Variants in OR51B5 observed in about 807,000 individuals in gnomAD.
The protein encoded by OR51B5 is olfactory receptor family 51 subfamily B member 5.
For synonymous variants in OR51B5, 186 were observed against 144.8 expected, an observed-to-expected ratio of 1.28 and a Z score of -2.04; for missense variants, 456 against 374.6, an observed-to-expected ratio of 1.22 and a Z score of -1.79.
intron 1 of OR51B5, chr11:5,351,673 C>T: frequency 6.2e-7 from 1 of 1,614,124 alleles, no homozygotes; most frequent in Admixed American, 1.7e-5. Context: ...CCTCCATGAG[C>T]CCATGTACTA....
At chr11:5,377,546 G>T (rs1347759386) in intron 1 of OR51B5, among the ~76,000 whole-genome samples, 1 of 152,040 alleles carries the variant, frequency 6.6e-6, no homozygotes, top group East Asian at 1.9e-4. Flanking sequence ...CGACATGATT[G>T]TATATCTAGA....
At chr11:5,410,598 T>C (rs541915014) in intron 1 of OR51B5, among the ~76,000 whole-genome samples, 53 of 152,278 alleles carry the variant, frequency 3.5e-4, no homozygotes, top group African/African-American at 1.2e-3. Context: ...TGAGAGAGTA[T>C]TTCTTCTACT....
intron 1 of OR51B5, chr11:5,389,455 G>A: frequency 6.2e-7 from 1 of 1,613,906 alleles, no homozygotes; most frequent in Non-Finnish European, 8.5e-7. Flanking sequence ...ACATTACTCA[G>A]TTTAGCCCCA....
chr11:5,449,151 C>A (rs1564816826), intron 1 of OR51B5, among the ~76,000 whole-genome samples: 1 of 152,178 alleles, frequency 6.6e-6, no homozygotes, highest in Non-Finnish European at 1.5e-5. Flanking sequence ...TTGCTAAGTT[C>A]TTTTTCAGCT....
chr11:5,465,899 C>T (rs1851132760), intron 1 of OR51B5, among the ~76,000 whole-genome samples: 1 of 151,346 alleles, frequency 6.6e-6, no homozygotes, highest in Admixed American at 6.6e-5. Context: ...CAGGCATGGG[C>T]AAGGACTTCA....
chr11:5,420,744 T>G (rs1850321233), intron 1 of OR51B5, among the ~76,000 whole-genome samples: 1 of 152,224 alleles, frequency 6.6e-6, no homozygotes, highest in Non-Finnish European at 1.5e-5. Context: ...TTAATTCATT[T>G]TGAAATTAGT....
downstream of OR51B5, among the ~76,000 whole-genome samples, chr11:5,341,555 T>C (rs1848893216): frequency 6.6e-6 from 1 of 152,186 alleles, no homozygotes; most frequent in Admixed American, 6.5e-5. Context: ...TTAGGATATT[T>C]TAAATTGAGT....
At chr11:5,438,518 C>T (rs1476027705) in intron 1 of OR51B5, among the ~76,000 whole-genome samples, 3 of 152,140 alleles carry the variant, frequency 2.0e-5, no homozygotes, top group African/African-American at 7.2e-5. Context: ...CCTTAATTCA[C>T]ATGTACTGGT....
chr11:5,367,380 AG>A (rs1328566352), intron 1 of OR51B5, among the ~76,000 whole-genome samples: 1 of 152,210 alleles, frequency 6.6e-6, no homozygotes, highest in Non-Finnish European at 1.5e-5. Flanking sequence ...AACAGTCCTG[AG>A]GACTGCTGGT....
intron 1 of OR51B5, among the ~76,000 whole-genome samples, chr11:5,493,852 G>A (rs980791244): frequency 2.0e-5 from 3 of 152,140 alleles, no homozygotes; most frequent in Non-Finnish European, 2.9e-5. Flanking sequence ...TCCAGAAGAT[G>A]ATGTTAGACA....
intron 1 of OR51B5, among the ~76,000 whole-genome samples, chr11:5,450,458 T>A (rs1850827465): frequency 6.6e-6 from 1 of 152,110 alleles, no homozygotes; most frequent in African/African-American, 2.4e-5. Context: ...AAATAGATAT[T>A]TCTACGCTTA....
intron 1 of OR51B5, chr11:5,422,581 C>T (rs768564443): frequency 1.1e-5 from 17 of 1,614,030 alleles, no homozygotes; most frequent in South Asian, 9.9e-5. Context: ...GCTATGTGGC[C>T]ATCTGCTGTC....
At chr11:5,489,424 G>C in intron 1 of OR51B5, 1 of 1,613,776 alleles carries the variant, frequency 6.2e-7, no homozygotes. Context: ...CCAGCACAAA[G>C]CTCTGAGTAC....
chr11:5,343,135 A>G (rs375256381), exon 1 of OR51B5: 9 of 1,613,634 alleles, frequency 5.6e-6, no homozygotes, highest in Non-Finnish European at 6.8e-6. Context: ...GTACAGAGGT[A>G]TATCTAAGAG....
intron 1 of OR51B5, chr11:5,489,177 T>C (rs1851540149): frequency 6.2e-7 from 1 of 1,613,124 alleles, no homozygotes; most frequent in African/African-American, 1.3e-5. Flanking sequence ...GTAGTGTGGC[T>C]ATTGTCTCCC....
intron 1 of OR51B5, among the ~76,000 whole-genome samples, chr11:5,424,087 T>G (rs570928677): frequency 2.6e-5 from 4 of 152,192 alleles, no homozygotes; most frequent in Non-Finnish European, 5.9e-5. Context: ...CAATATCGGT[T>G]TGAAGGGACA....
At chr11:5,390,503 G>T in intron 1 of OR51B5, 1 of 787,882 alleles carries the variant, frequency 1.3e-6, no homozygotes, top group Admixed American at 3.1e-5. Flanking sequence ...ATAAAATATG[G>T]GCAAATTTAT....
At chr11:5,414,898 C>T (rs1272289725) in intron 1 of OR51B5, among the ~76,000 whole-genome samples, 6 of 152,142 alleles carry the variant, frequency 3.9e-5, no homozygotes, top group Non-Finnish European at 7.4e-5. Flanking sequence ...TACACAGGAA[C>T]TGAACTCAGC....
chr11:5,429,055 G>C (rs968415623), intron 1 of OR51B5, among the ~76,000 whole-genome samples: 1 of 152,130 alleles, frequency 6.6e-6, no homozygotes, highest in South Asian at 2.1e-4. Context: ...ACCCCATCCA[G>C]ACTTGTAACT....
Sources: gnomAD v4.1 joint callset for allele counts (sites outside exome capture counted in the v4.1 genomes callset) on GRCh38, gnomAD v4.1.1 for gene constraint, MANE v1.5 for transcripts, NCBI Gene and HGNC (gene_info 2026-07-23, HGNC 2026-07-21) for gene names.